Variants in JMJD1C observed in about 807,000 individuals in gnomAD.
JMJD1C encodes the protein jumonji domain-containing protein 1C.
Under a neutral mutation model 245.3 loss-of-function variants are expected in JMJD1C, and 31 were observed. That is an observed-to-expected ratio of 0.13 (90% CI 0.09 to 0.17). JMJD1C has a LOEUF of 0.17. JMJD1C is among the 10% of genes least tolerant of loss of function. The probability of loss-of-function intolerance (pLI) is 1.00; values close to 1 mark genes in which losing one functional copy is unlikely to be tolerated. For missense variants in JMJD1C, 2,691 were observed against 3,000.2 expected (o/e 0.90, Z 2.41); for synonymous variants, 1,057 against 1,017.4 (o/e 1.04, Z -0.74).
At chr10:63,185,372 TC>T (rs553542725) in intron 20 of JMJD1C, among the ~76,000 whole-genome samples, 190 bp downstream of exon 20, 17 of 151,452 alleles carry the variant, frequency 1.1e-4, no homozygotes, top group Non-Finnish European at 2.1e-4. Context: ...ACTCCAGCGA[TC>T]CCCTCGCCTT....
At chr10:63,187,385 G>C (rs1227362557) in intron 18 of JMJD1C, among the ~76,000 whole-genome samples, 1 of 152,158 alleles carries the variant, frequency 6.6e-6, no homozygotes. Context: ...TAAGGGTTAA[G>C]CTAATTAGTG....
At chr10:63,495,864 A>G (rs1054079580) in intron 1 of JMJD1C, among the ~76,000 whole-genome samples, 8 of 152,010 alleles carry the variant, frequency 5.3e-5, no homozygotes, top group Admixed American at 5.2e-4. Flanking sequence ...GCAGAGGAAA[A>G]GTTCTTTATT....
At chr10:63,261,843 G>T (rs758166145) in intron 3 of JMJD1C, among the ~76,000 whole-genome samples, 1 of 152,156 alleles carries the variant, frequency 6.6e-6, no homozygotes, top group South Asian at 2.1e-4. Context: ...CAAGGATAAA[G>T]GTGGCAGACT....
At chr10:63,478,445 T>C (rs372617728) in intron 1 of JMJD1C, among the ~76,000 whole-genome samples, 1 of 152,152 alleles carries the variant, frequency 6.6e-6, no homozygotes, top group South Asian at 2.1e-4. Flanking sequence ...AAATGAAATA[T>C]TATACATGCA....
chr10:63,397,893 G>C (rs1948604403), intron 1 of JMJD1C, among the ~76,000 whole-genome samples: 1 of 152,184 alleles, frequency 6.6e-6, no homozygotes. Flanking sequence ...AATAATTAAA[G>C]TTCATAAATA....
chr10:63,474,769 G>A (rs1296577639), intron 1 of JMJD1C, among the ~76,000 whole-genome samples: 1 of 151,590 alleles, frequency 6.6e-6, no homozygotes, highest in East Asian at 1.9e-4. Context: ...TTGTTAAACA[G>A]AGCAAAATAA....
intron 13 of JMJD1C, among the ~76,000 whole-genome samples, chr10:63,194,953 A>ACC (rs1296862219): frequency 6.6e-6 from 1 of 152,202 alleles, no homozygotes; most frequent in Non-Finnish European, 1.5e-5. Context: ...AGCATTTGAT[A>ACC]CCTTGATCTC....
chr10:63,216,269 G>A (rs1032452967), intron 5 of JMJD1C, among the ~76,000 whole-genome samples: 1 of 151,962 alleles, frequency 6.6e-6, no homozygotes, highest in South Asian at 2.1e-4. Flanking sequence ...GTATAAAGGC[G>A]CTCTATCAGA....
At chr10:63,254,601 C>T (rs552363794) in intron 3 of JMJD1C, among the ~76,000 whole-genome samples, 2 of 152,232 alleles carry the variant, frequency 1.3e-5, no homozygotes, top group South Asian at 4.1e-4. Flanking sequence ...ATTGCAATGG[C>T]AGGATCTCAG....
intron 3 of JMJD1C, among the ~76,000 whole-genome samples, chr10:63,238,389 CTGAA>C (rs972221678): frequency 6.6e-6 from 1 of 151,534 alleles, no homozygotes; most frequent in Non-Finnish European, 1.5e-5. Context: ...AGAACATAAA[CTGAA>C]TGAAGCATAT....
intron 1 of JMJD1C, among the ~76,000 whole-genome samples, chr10:63,413,328 T>C (rs955575856): frequency 6.6e-6 from 1 of 152,198 alleles, no homozygotes; most frequent in East Asian, 1.9e-4. Flanking sequence ...ACTCTCTTTA[T>C]GTTTTGCTAC....
intron 1 of JMJD1C, among the ~76,000 whole-genome samples, chr10:63,461,287 A>G (rs181951074): frequency 9.8e-5 from 15 of 152,340 alleles, no homozygotes; most frequent in Admixed American, 3.9e-4. Context: ...TCAAGATCGT[A>G]TTGACCAATG....
chr10:63,328,279 GAAAA>G (rs770526872), intron 2 of JMJD1C, among the ~76,000 whole-genome samples: 1 of 125,612 alleles, frequency 8.0e-6, no homozygotes, highest in East Asian at 2.2e-4. Context: ...CCATCTCAAA[GAAAA>G]AAAAAAAGAA....
intron 1 of JMJD1C, among the ~76,000 whole-genome samples, chr10:63,483,096 A>G (rs1447259508): frequency 1.3e-5 from 2 of 152,240 alleles, no homozygotes; most frequent in Non-Finnish European, 2.9e-5. Flanking sequence ...TAAAGTAACT[A>G]TATGTCAATC....
chr10:63,432,190 TTA>T (rs1215808663), intron 1 of JMJD1C, among the ~76,000 whole-genome samples: 1 of 152,100 alleles, frequency 6.6e-6, no homozygotes, highest in Non-Finnish European at 1.5e-5. Flanking sequence ...AGGAAGTAGT[TTA>T]TGTGCCATTT....
chr10:63,251,991 G>A (rs1490685157), intron 3 of JMJD1C, among the ~76,000 whole-genome samples: 1 of 152,126 alleles, frequency 6.6e-6, no homozygotes, highest in African/African-American at 2.4e-5. Context: ...CCAGCCTGGG[G>A]TGACAGAGCA....
chr10:63,335,966 C>A (rs1942684501), intron 2 of JMJD1C, among the ~76,000 whole-genome samples: 1 of 151,370 alleles, frequency 6.6e-6, no homozygotes, highest in Non-Finnish European at 1.5e-5. Context: ...ACTTAAAATA[C>A]AAAAATTAGC....
intron 3 of JMJD1C, among the ~76,000 whole-genome samples, chr10:63,262,927 A>C (rs376066144): frequency 5.3e-4 from 81 of 152,278 alleles, no homozygotes; most frequent in African/African-American, 1.9e-3. Flanking sequence ...AGTAATTTCT[A>C]CATAACGATT....
At chr10:63,230,848 G>A (rs1441123277) in intron 3 of JMJD1C, among the ~76,000 whole-genome samples, 2 of 151,762 alleles carry the variant, frequency 1.3e-5, no homozygotes, top group Non-Finnish European at 2.9e-5. Flanking sequence ...AAATGCTAGT[G>A]GGAGAAAGGA....
Sources: gnomAD v4.1 joint callset for allele counts (sites outside exome capture counted in the v4.1 genomes callset) on GRCh38, gnomAD v4.1.1 for gene constraint, MANE v1.5 for transcripts, NCBI Gene and HGNC (gene_info 2026-07-23, HGNC 2026-07-21) for gene names.